ADGRL3: variants seen among roughly 807,000 people sequenced by gnomAD.
ADGRL3 encodes calcium-independent alpha-latrotoxin receptor 3.
ADGRL3 carries 62 observed loss-of-function variants against 153.5 expected under a neutral mutation model. The observed-to-expected ratio is 0.40, with a 90% confidence interval of 0.33 to 0.50. The LOEUF is 0.50. Ranked by LOEUF, ADGRL3 falls within the 20% of genes least tolerant of loss-of-function variation. The pLI is 0.47. For synonymous variants in ADGRL3, 710 were observed against 672.5 expected (o/e 1.06, Z -0.86); for missense variants, 1,641 against 1,859.4 (o/e 0.88, Z 2.16).
rs369585353 is a variant in ADGRL3 at position 61,476,320 on chromosome 4, C to T, written c.-173-20801C>T. ...TCGGCTCACTGCAACCTCTACCTCC[C>T]GGGTTCAAGCAATTCTCATGCCTCA... On this transcript the variant is annotated intron_variant, in intron 2 of 26. Coordinates refer to ENST00000683033, the MANE Select transcript of ADGRL3 (RefSeq NM_001387552.1). 1.4e-4 allele frequency among the ~76,000 whole-genome samples: 22 copies of T among 151,942 alleles called. 1 individual carries two copies. Among genetic ancestry groups the T allele is most frequent in the Admixed American group, 1.2e-3 (19 of 15,252 alleles).
At chr4:61,608,971 A>C (rs1292528487) in intron 5 of ADGRL3, among the ~76,000 whole-genome samples, 1 of 152,310 alleles carries the variant, frequency 6.6e-6, no homozygotes, top group South Asian at 2.1e-4. Flanking sequence ...AAGGTAAAAA[A>C]GTAATAGTTA....
intron 17 of ADGRL3, among the ~76,000 whole-genome samples, chr4:61,965,867 A>G (rs1235669797): frequency 6.6e-6 from 1 of 152,212 alleles, no homozygotes; most frequent in Non-Finnish European, 1.5e-5. Context: ...ATTACAATGT[A>G]AATAATACAA....
intron 1 of ADGRL3, among the ~76,000 whole-genome samples, chr4:61,231,779 G>A (rs917627394): frequency 6.6e-6 from 1 of 151,956 alleles, no homozygotes; most frequent in East Asian, 1.9e-4. Flanking sequence ...CCAGCCTCCC[G>A]GCACGTGGTA....
In ADGRL3 at chr4:61,745,320, C is replaced by T. The variant is rs567152436; in HGVS notation, c.1399+11766C>T. ...ATCCAGGAGAACTTCCCCAATCTAG[C>T]AAGGCAGGCCAACATTCAGACTCAG... On this transcript the variant is annotated intron_variant, in intron 8 of 26. Coordinates refer to ENST00000683033, the MANE Select transcript of ADGRL3 (RefSeq NM_001387552.1). 2.1e-3 allele frequency among the ~76,000 whole-genome samples: 324 copies of T among 152,218 alleles called. 1 individual carries two copies. The highest frequency in any genetic ancestry group is 3.4e-3 in the Middle Eastern group (1 of 294).
intron 17 of ADGRL3, among the ~76,000 whole-genome samples, chr4:61,978,840 ATATT>A (rs796964147): frequency 4.7e-4 from 71 of 151,408 alleles, no homozygotes; most frequent in African/African-American, 1.6e-3. Context: ...GCAATTCTGA[ATATT>A]TATTTTCTGT....
intron 8 of ADGRL3, among the ~76,000 whole-genome samples, chr4:61,767,043 A>G (rs983490261): frequency 6.6e-6 from 1 of 151,952 alleles, no homozygotes; most frequent in African/African-American, 2.4e-5. Flanking sequence ...GGGATGGGAT[A>G]TTGGCGTTGA....
At chr4:61,259,146 C>T (rs978073637) in intron 1 of ADGRL3, among the ~76,000 whole-genome samples, 16 of 152,100 alleles carry the variant, frequency 1.1e-4, no homozygotes, top group Non-Finnish European at 7.3e-5. Flanking sequence ...AAAAATGGGC[C>T]GGGTGCGGTG....
At chr4:61,355,876 T>A (rs2096155337) in intron 1 of ADGRL3, among the ~76,000 whole-genome samples, 1 of 152,130 alleles carries the variant, frequency 6.6e-6, no homozygotes, top group South Asian at 2.1e-4. Flanking sequence ...ACAGATGATA[T>A]TCATAGCAGT....
intron 8 of ADGRL3, among the ~76,000 whole-genome samples, chr4:61,813,512 GT>G (rs375524163): frequency 4.0e-5 from 6 of 151,692 alleles, no homozygotes; most frequent in Non-Finnish European, 7.4e-5. Flanking sequence ...TTTGCTTTGA[GT>G]TTTTTTTCTT....
intron 4 of ADGRL3, among the ~76,000 whole-genome samples, chr4:61,570,523 A>C (rs2098834243): frequency 6.6e-6 from 1 of 152,162 alleles, no homozygotes; most frequent in Non-Finnish European, 1.5e-5. Context: ...GCTAGAACCA[A>C]ATCAAGACTA....
Position 61,399,553 on chromosome 4 carries a change from TA to T in ADGRL3, c.-174+16368del, listed in dbSNP as rs574758029. Among the ~76,000 whole-genome samples the T allele has an allele frequency of 1.7e-3, 261 of 151,714 alleles. 1 individual carries two copies. Among genetic ancestry groups the T allele is most frequent in the African/African-American group, 6.0e-3 (248 of 41,500 alleles). On this transcript the variant is annotated intron_variant, in intron 2 of 26. Coordinates refer to ENST00000683033, the MANE Select transcript of ADGRL3 (RefSeq NM_001387552.1). ...TATTCAAGGTAATTAGGTTTGTAAA[TA>T]AAAGTAGAAGTTGTCAACAAATAGT...
At chr4:61,791,034 G>T (rs887331293) in intron 8 of ADGRL3, among the ~76,000 whole-genome samples, 2 of 152,120 alleles carry the variant, frequency 1.3e-5, no homozygotes, top group Admixed American at 1.3e-4. Context: ...TGAGATTTGG[G>T]TGGGGACACA....
chr4:61,540,073 C>A (rs2098680960), intron 4 of ADGRL3, among the ~76,000 whole-genome samples: 1 of 152,176 alleles, frequency 6.6e-6, no homozygotes, highest in Non-Finnish European at 1.5e-5. Flanking sequence ...CAGCACTATG[C>A]ATGTATTAAC....
chr4:61,426,050 G>A (rs546235535), intron 2 of ADGRL3, among the ~76,000 whole-genome samples: 19 of 152,306 alleles, frequency 1.2e-4, no homozygotes, highest in African/African-American at 4.3e-4. Context: ...ACCTTTCTGT[G>A]GCTGTTCATT....
chr4:61,844,576 A>AAAAAAAAATATATG (rs2098089494), intron 9 of ADGRL3, among the ~76,000 whole-genome samples: 3 of 9,456 alleles, frequency 3.2e-4, no homozygotes, highest in African/African-American at 5.7e-4. Flanking sequence ...AAAAAAAAAA[A>AAAAAAAAATATATG]TATATATATA....
rs528869322 is a variant in ADGRL3, at chr4:61,935,539, G to C, written c.2297-384G>C. 3.3e-5 allele frequency among the ~76,000 whole-genome samples: 5 copies of C among 152,188 alleles called. No individual in the cohort carries two copies. The South Asian group carries it at 6.2e-4, about 19-fold the overall frequency. ...TTATTTCAGAAGTTAGGAAAAAGCT[G>C]TTTGAAATTTACTGGGCTTAAAGAT... On this transcript the variant is annotated intron_variant, in intron 14 of 26. Coordinates refer to ENST00000683033, the MANE Select transcript of ADGRL3 (RefSeq NM_001387552.1).
chr4:61,933,934 A>C (rs1429639489), intron 13 of ADGRL3: 1 of 152,198 alleles, frequency 6.6e-6, no homozygotes, highest in Non-Finnish European at 1.5e-5. Flanking sequence ...AATTGGGTTC[A>C]GGGATGATCA....
At chr4:61,322,377 C>T (rs976087046) in intron 1 of ADGRL3, among the ~76,000 whole-genome samples, 2 of 152,174 alleles carry the variant, frequency 1.3e-5, no homozygotes, top group African/African-American at 4.8e-5. Context: ...CATTTCAAAA[C>T]CAATCATGCC....
chr4:61,300,826 C>T (rs2094558573), intron 1 of ADGRL3, among the ~76,000 whole-genome samples: 1 of 147,230 alleles, frequency 6.8e-6, no homozygotes, highest in Non-Finnish European at 1.5e-5. Flanking sequence ...AGTGCAGTGG[C>T]GTGATCTCAG....
Sources: allele counts gnomAD v4.1 joint callset (sites outside exome capture counted in the v4.1 genomes callset), GRCh38; gene constraint gnomAD v4.1.1; transcripts MANE v1.5; gene names NCBI Gene and HGNC (gene_info 2026-07-23, HGNC 2026-07-21).